KRT83: variants seen among roughly 807,000 people sequenced by gnomAD.
KRT83 encodes keratin, type II cuticular Hb3.
KRT83 carries 51 observed loss-of-function variants against 52.9 expected under a neutral mutation model. The observed-to-expected ratio is 0.96, with a 90% CI of 0.77 to 1.22. KRT83 has a LOEUF of 1.22. KRT83 is among the 50% of genes most tolerant of loss of function. The pLI is 0.00. For synonymous variants in KRT83, 278 were observed against 274.1 expected (o/e 1.01, Z -0.14); for missense variants, 654 against 666.5 (o/e 0.98, Z 0.21).
chr12:52,317,695 G>T lies in KRT83; in HGVS notation c.736C>A (p.Arg246=). The T allele has an allele frequency of 6.2e-7, 1 of 1,612,554 alleles. No individual in the cohort carries two copies. The highest frequency in any genetic ancestry group is 1.1e-5 in the South Asian group (1 of 91,012). ...GAGCCCCTCACCTCCTCGTACAGCC[G>T]CCTCAGGAAGTCAATCTCCTGGATC... is the stretch of plus-strand genomic sequence containing the variant. ...ALIQEIDFLR[R]LYEEEIRILQ... is the part of the protein sequence containing the mutation. Residue 246 remains arginine (R), a synonymous_variant, in exon 4 of 9, where the codon CGG becomes AGG. Coordinates refer to ENST00000293670, the MANE Select transcript of KRT83 (RefSeq NM_002282.3).
intron 6 of KRT83, 73 bp downstream of exon 6, chr12:52,316,395 C>A: frequency 6.2e-7 from 1 of 1,607,604 alleles, no homozygotes; most frequent in Non-Finnish European, 8.5e-7. Context: ...TTTCCAGAAT[C>A]TAACTCAAAT....
Position 52,321,264 on chromosome 12 carries a change from C to G in KRT83, c.72G>C (p.Gly24=), listed in dbSNP as rs1938766896. ...TGATGCAGCAGCGGCTTGGCCGGGG[C>G]CCGCAGGCAGAGACACAGCTGAAGT... ...PGNFSCVSAC[G]PRPSRCCITA... Residue 24 remains glycine, a synonymous_variant, in exon 1 of 9, where the codon GGG becomes GGC. Transcript: ENST00000293670. 1 of 1,613,440 alleles carries G rather than the reference C, an allele frequency of 6.2e-7. No homozygotes were observed. The highest frequency in any genetic ancestry group is 8.5e-7 in the Non-Finnish European group (1 of 1,179,950).
chr12:52,321,229 G>C lies in KRT83; in HGVS notation c.107C>G (p.Pro36Arg), dbSNP rs1367282711. Reference protein sequence around the residue: ...RPSRCCITAAPYRGISCYRGL... With the variant: ...RPSRCCITAARYRGISCYRGL... ...GCGGTAGCAGGAGATGCCGCGGTAG[G>C]GGGCGGCGGTGATGCAGCAGCGGCT... Residue 36 changes from proline to arginine, a missense_variant, in exon 1 of 9, where the codon CCC becomes CGC. Transcript: ENST00000293670. 6.2e-7 allele frequency: 1 copy of C among 1,613,504 alleles called. No homozygotes were observed. Among genetic ancestry groups the C allele is most frequent in the Non-Finnish European group, 8.5e-7 (1 of 1,179,862 alleles).
chr12:52,319,435 G>C, intron 1 of KRT83, 71 bp from the exon 2 acceptor site: 1 of 1,598,460 alleles, frequency 6.3e-7, no homozygotes, highest in Non-Finnish European at 8.5e-7. Context: ...TTCCCAGCAC[G>C]AGGGCCTGAA....
Position 52,314,547 on chromosome 12 carries a change from G to A in KRT83, c.*84C>T. On this transcript the variant is annotated 3_prime_UTR_variant, in exon 9 of 9. Transcript: ENST00000293670. ...TCAGAACACAAGGGGAAAAGCCAGC[G>A]ATGTGCTGCTGTTTTCAGCTGGTGG... is the stretch of plus-strand genomic sequence containing the variant. 1 of 1,264,420 alleles carries A rather than the reference G, an allele frequency of 7.9e-7. No individual in the cohort carries two copies. Among genetic ancestry groups the A allele is most frequent in the South Asian group, 1.3e-5 (1 of 78,202 alleles). The allele number at this position is 1,264,420 out of a possible 1,614,324, so 78.3% of individuals were successfully genotyped here.
Position 52,321,208 on chromosome 12 carries a change from T to C in KRT83, c.128A>G (p.Tyr43Cys). ...TAAPYRGISC[Y>C]RGLTGGFGSH... ...GCCAAAGCCCCCGGTGAGGCCGCGG[T>C]AGCAGGAGATGCCGCGGTAGGGGGC... Residue 43 changes from tyrosine to cysteine, a missense_variant, in exon 1 of 9, where the codon TAC (tyrosine) becomes TGC (cysteine). Coordinates refer to ENST00000293670, the MANE Select transcript of KRT83 (RefSeq NM_002282.3). The C allele has an allele frequency of 6.2e-7, 1 of 1,613,194 alleles. No homozygotes were observed. The highest frequency in any genetic ancestry group is 1.1e-5 in the South Asian group (1 of 91,042).
chr12:52,321,251 G>T lies in KRT83; in HGVS notation c.85C>A (p.Arg29Ser), dbSNP rs1168194283. The change falls in exon 1 of 9, where the codon CGC (arginine) becomes AGC (serine). Residue 29 changes from arginine (R) to serine (S), a missense_variant. By Grantham distance (110) the Arg-to-Ser change is moderately radical. Coordinates refer to ENST00000293670, the MANE Select transcript of KRT83 (RefSeq NM_002282.3). ...CVSACGPRPS[R>S]CCITAAPYRG... Reference sequence around the variant, plus strand: ...TAGGGGGCGGCGGTGATGCAGCAGCGGCTTGGCCGGGGCCCGCAGGCAGAG... The same window carrying T: ...TAGGGGGCGGCGGTGATGCAGCAGCTGCTTGGCCGGGGCCCGCAGGCAGAG... 2 of 1,613,430 alleles carry T rather than the reference G, an allele frequency of 1.2e-6. No homozygotes were observed. Among genetic ancestry groups the T allele is most frequent in the South Asian group, 2.2e-5 (2 of 91,086 alleles).
chr12:52,320,916 G>A (rs559602201), intron 1 of KRT83, 36 bp downstream of exon 1: 5 of 1,613,738 alleles, frequency 3.1e-6, no homozygotes, highest in African/African-American at 2.7e-5. Context: ...ACATGAGTAG[G>A]GGTTCAGGAA....
rs140907551 is a variant in KRT83 at position 52,315,904 on chromosome 12, G to C, written c.1251C>G (p.Gly417=). 20 of 1,612,522 alleles carry C rather than the reference G, an allele frequency of 1.2e-5. No individual in the cohort carries two copies. Among genetic ancestry groups the C allele is most frequent in the Admixed American group, 1.7e-5 (1 of 60,020 alleles). The stretch of plus-strand genomic sequence containing the variant: ...TGGGTTGGACCCACCTCTGCTCCTC[G>C]CCCTCCAGCAGGCGCCTGTAGGTGG... The part of the protein sequence containing the change: ...EIATYRRLLE[G]EEQRLCEGVE... Residue 417 remains glycine (G), a synonymous_variant, in exon 7 of 9, where the codon GGC becomes GGG. Transcript: ENST00000293670.
intron 1 of KRT83, 83 bp downstream of exon 1, chr12:52,320,869 C>A: frequency 6.2e-7 from 1 of 1,612,648 alleles, no homozygotes; most frequent in Non-Finnish European, 8.5e-7. Flanking sequence ...AAGTTCTTGC[C>A]TTTGACTTCC....
rs561325506 is a variant in KRT83 at position 52,316,576 on chromosome 12, G to A, written c.933C>T (p.Ala311=). Residue 311 remains alanine (A), a synonymous_variant, in exon 6 of 9, where the codon GCC becomes GCT. Transcript: ENST00000293670. ...GGGTCTCCCCGTGCCTGATCACTGT[G>A]GCCTTCATCTCCTCACACTGCAGGA... The part of the protein sequence containing the change: ...WYRSKCEEMK[A]TVIRHGETLR... The A allele has an allele frequency of 8.1e-6, 13 of 1,613,986 alleles. No individual in the cohort carries two copies. Among genetic ancestry groups the A allele is most frequent in the African/African-American group, 1.3e-5 (1 of 74,876 alleles).
In KRT83 at chr12:52,320,832, C is replaced by T. The variant is rs549879643; in HGVS notation, c.384+120G>A. On this transcript the variant is annotated intron_variant, in intron 1 of 8. Transcript: ENST00000293670. ...GTGTCCTAGAAGTATGACTACCTTT[C>T]CCTTTGGCCTGGGAACTTCTGTGGG... 29 of 1,593,936 alleles carry T rather than the reference C, an allele frequency of 1.8e-5. 1 individual carries two copies. Among genetic ancestry groups the T allele is most frequent in the Non-Finnish European group, 2.4e-5 (28 of 1,163,864 alleles).
chr12:52,318,582 C>T (rs1938723813), intron 2 of KRT83, among the ~76,000 whole-genome samples: 1 of 152,106 alleles, frequency 6.6e-6, no homozygotes, highest in Non-Finnish European at 1.5e-5. Flanking sequence ...TATGCTGGGC[C>T]TGGGGAGTCC....
In KRT83 at chr12:52,319,165, T is replaced by C. The variant is rs201851696; in HGVS notation, c.584A>G (p.Tyr195Cys). The change falls in exon 2 of 9, where the codon TAC becomes TGC. Residue 195 changes from tyrosine (Y) to cysteine (C), a missense_variant. By Grantham distance (194) the Tyr-to-Cys change is radical. Transcript: ENST00000293670. The part of the protein sequence containing the change: ...LNHVQEVLEG[Y>C]KKKYEEEVAL... ...TCCTGCCCACACTCACTTCTTCTTGTAGCCCTCCAGCACCTCCTGCACGTG... is the reference window on the plus strand; with the variant it reads ...TCCTGCCCACACTCACTTCTTCTTGCAGCCCTCCAGCACCTCCTGCACGTG... 1.9e-5 allele frequency: 30 copies of C among 1,613,190 alleles called. No homozygotes were observed. Among genetic ancestry groups the C allele is most frequent in the Non-Finnish European group, 2.4e-5 (28 of 1,179,870 alleles).
At chr12:52,314,918 A>G (rs1938663848) in intron 8 of KRT83, 100 bp from the exon 9 acceptor site, 2 of 1,198,580 alleles carry the variant, frequency 1.7e-6, no homozygotes, top group Non-Finnish European at 2.4e-6. Flanking sequence ...CCAGGGAAGG[A>G]TGCAAAGAGC....
rs751435724 is a variant in KRT83 at position 52,320,943 on chromosome 12, G to A, written c.384+9C>T. 1.4e-5 allele frequency: 22 copies of A among 1,613,716 alleles called. No individual in the cohort carries two copies. Among genetic ancestry groups the A allele is most frequent in the African/African-American group, 1.1e-4 (8 of 74,920 alleles). The stretch of plus-strand genomic sequence containing the variant: ...GTTCAGGAAGGGTGTGATCCAGGAC[G>A]ACACCCACCTTGTCGATGAAGGCCG... On this transcript the variant is annotated intron_variant, in intron 1 of 8. Transcript: ENST00000293670.
At chr12:52,316,443 T>G (rs1490033523) in intron 6 of KRT83, 25 bp downstream of exon 6, 1 of 1,613,956 alleles carries the variant, frequency 6.2e-7, no homozygotes, top group Admixed American at 1.7e-5. Context: ...CTTCCTACAC[T>G]GAGGGGTGGG....
At position 52,314,316 on chromosome 12, in the gene KRT83, T is replaced by C. The variant is rs560812760; in HGVS notation, c.*315A>G. 2.4e-5 allele frequency: 11 copies of C among 452,808 alleles called. No homozygotes were observed. The highest frequency in any genetic ancestry group is 2.0e-4 in the African/African-American group (10 of 50,368). 28.0% of individuals were successfully genotyped at this position (452,808 alleles called of 1,614,324 possible). A position where few individuals can be genotyped will look rare whatever the true frequency, so the allele number is the denominator to read the frequency against. ...AGCACACAAAGCAGGTCCCCAAGTTTATTGGAAAAGGGGAGACAAGAGGCC... is the reference window on the plus strand; with the variant it reads ...AGCACACAAAGCAGGTCCCCAAGTTCATTGGAAAAGGGGAGACAAGAGGCC... On this transcript the variant is annotated 3_prime_UTR_variant, in exon 9 of 9. Coordinates refer to ENST00000293670, the MANE Select transcript of KRT83 (RefSeq NM_002282.3).
In KRT83 at chr12:52,314,694, G is replaced by A; in HGVS notation, c.1419C>T (p.Cys473=). 1 of 1,584,154 alleles carries A rather than the reference G, an allele frequency of 6.3e-7. No individual in the cohort carries two copies. Among genetic ancestry groups the A allele is most frequent in the Non-Finnish European group, 8.6e-7 (1 of 1,165,278 alleles). The change falls in exon 9 of 9, where the codon TGC becomes TGT. Residue 473 remains cysteine, a synonymous_variant. Coordinates refer to ENST00000293670, the MANE Select transcript of KRT83 (RefSeq NM_002282.3). ...NGNLVVSTGL[C]KPCGQLNTTC... ...TGGTGTTCAGCTGGCCACAGGGCTT[G>A]CACAAACCAGTGCTCACCACCAGGT...
Sources: allele counts gnomAD v4.1 joint callset (sites outside exome capture counted in the v4.1 genomes callset), GRCh38; gene constraint gnomAD v4.1.1; transcripts MANE v1.5; gene names NCBI Gene and HGNC (gene_info 2026-07-23, HGNC 2026-07-21).